Variants in TRDN observed in about 807,000 individuals in gnomAD.
TRDN encodes the protein triadin, also known as triadin in skeletal muscle.
TRDN carries 161 observed loss-of-function variants against 149.7 expected under a neutral mutation model. The ratio of observed to expected loss-of-function variants is 1.08; its 90% CI spans 0.95 to 1.23. The LOEUF is 1.23. TRDN is among the 50% of genes most tolerant of loss of function. TRDN has a pLI of 0.00. For missense variants in TRDN, 896 were observed against 823.5 expected (o/e 1.09, Z -1.08); for synonymous variants, 294 against 250.5 (o/e 1.17, Z -1.64).
chr6:123,421,445 AATT>A lies in TRDN; in HGVS notation c.1051+16615_1051+16617del, dbSNP rs1347811654. On this transcript the variant is annotated intron_variant, in intron 12 of 40. Coordinates refer to ENST00000334268, the MANE Select transcript of TRDN (RefSeq NM_006073.4). ...ATTATCCAGTTGTGCCCACAAACTT[AATT>A]ATATCAGCTACCTGATAGGAATATC... 2.6e-5 allele frequency: 4 copies of A among 152,056 alleles called. 1 individual carries two copies. The highest frequency in any genetic ancestry group is 2.6e-4 in the Admixed American group (4 of 15,256). 9.4% of individuals were successfully genotyped at this position (152,056 alleles called of 1,614,324 possible).
intron 10 of TRDN, among the ~76,000 whole-genome samples, chr6:123,464,014 C>T (rs1459568830): frequency 6.6e-6 from 1 of 152,150 alleles, no homozygotes; most frequent in Non-Finnish European, 1.5e-5. Context: ...CTAGGTGTTT[C>T]TACCCCTTTC....
intron 10 of TRDN, among the ~76,000 whole-genome samples, chr6:123,453,048 C>T (rs953924883): frequency 1.1e-4 from 17 of 152,052 alleles, no homozygotes; most frequent in African/African-American, 4.1e-4. Flanking sequence ...TGGCTAGCCA[C>T]ATGTAGGAGA....
At chr6:123,630,427 T>C (rs1400436093) in intron 1 of TRDN, among the ~76,000 whole-genome samples, 1 of 152,048 alleles carries the variant, frequency 6.6e-6, no homozygotes, top group Non-Finnish European at 1.5e-5. Context: ...GTTTCTCTCA[T>C]ATTAAATATT....
In TRDN at chr6:123,625,490, TGGGTACA is replaced by T. The variant is rs1161234195; in HGVS notation, c.22+11257_22+11263del. 2.6e-5 allele frequency among the ~76,000 whole-genome samples: 4 copies of T among 152,212 alleles called. No homozygotes were observed. The South Asian group carries it at 6.2e-4, about 24-fold the overall frequency. On this transcript the variant is annotated intron_variant, in intron 1 of 40. Coordinates refer to ENST00000334268, the MANE Select transcript of TRDN (RefSeq NM_006073.4). The stretch of plus-strand genomic sequence containing the variant: ...ATACTTTGTTGGTGGGGATGGTTAA[TGGGTACA>T]GAAATATAGTTAGAAAGAATAATAT...
At position 123,382,547 on chromosome 6, in the gene TRDN, T is replaced by A. The variant is rs528532413; in HGVS notation, c.1136-400A>T. On this transcript the variant is annotated intron_variant, in intron 14 of 40. Transcript: ENST00000334268. ...TGCTTAGGAGTTCATGAAGTTAACTTGAAACTTTCATTTGTTCAATCTAAG... is the reference window on the plus strand; with the variant it reads ...TGCTTAGGAGTTCATGAAGTTAACTAGAAACTTTCATTTGTTCAATCTAAG... Among the ~76,000 whole-genome samples the A allele has an allele frequency of 9.2e-5, 14 of 152,040 alleles. No individual in the cohort carries two copies. In the South Asian group the frequency reaches 2.7e-3, roughly 29 times the overall value.
chr6:123,540,842 A>G (rs1319995890), intron 4 of TRDN, among the ~76,000 whole-genome samples: 1 of 152,220 alleles, frequency 6.6e-6, no homozygotes, highest in Non-Finnish European at 1.5e-5. Flanking sequence ...TCTCATGAGC[A>G]AAAGAGTTCT....
At chr6:123,631,290 T>C (rs11961526) in intron 1 of TRDN, among the ~76,000 whole-genome samples, 4,316 of 152,114 alleles carry the variant, frequency 0.028, 96 homozygotes, top group Middle Eastern at 0.048. Context: ...ATAAATGCAA[T>C]GTTCCAAGCC....
intron 10 of TRDN, among the ~76,000 whole-genome samples, chr6:123,454,148 G>A (rs916818018): frequency 2.0e-5 from 3 of 151,896 alleles, no homozygotes; most frequent in African/African-American, 7.3e-5. Flanking sequence ...GGAGGGGGAC[G>A]AGGGACAAAA....
At chr6:123,442,577 T>C (rs1227279533) in intron 10 of TRDN, among the ~76,000 whole-genome samples, 2 of 130,502 alleles carry the variant, frequency 1.5e-5, no homozygotes, top group Admixed American at 7.7e-5. Flanking sequence ...AAAAAAAAAG[T>C]CTACCTTGCT....
At chr6:123,553,522 C>T (rs549545347) in intron 2 of TRDN, among the ~76,000 whole-genome samples, 66 of 152,148 alleles carry the variant, frequency 4.3e-4, no homozygotes, top group Middle Eastern at 6.8e-3. Flanking sequence ...GCACAGTGTA[C>T]GTAAACTTTT....
At chr6:123,337,813 T>C in intron 21 of TRDN, 144 bp from the exon 22 acceptor site, 1 of 502,736 alleles carries the variant, frequency 2.0e-6, no homozygotes, top group South Asian at 2.5e-5. Flanking sequence ...TCCAGGCATA[T>C]GTTGTCTATA....
At chr6:123,635,015 T>C (rs1274594958) in intron 1 of TRDN, among the ~76,000 whole-genome samples, 1 of 151,918 alleles carries the variant, frequency 6.6e-6, no homozygotes, top group East Asian at 1.9e-4. Context: ...TTGAATCAAA[T>C]GCAAGTTCTA....
chr6:123,254,921 G>A (rs772178109), intron 37 of TRDN, 160 bp downstream of exon 37: 1 of 574,680 alleles, frequency 1.7e-6, no homozygotes, highest in Admixed American at 2.3e-5. Flanking sequence ...TGAAATATAA[G>A]CTTTCTGCTA....
At chr6:123,575,687 G>A (rs774028250) in intron 1 of TRDN, among the ~76,000 whole-genome samples, 1 of 151,972 alleles carries the variant, frequency 6.6e-6, no homozygotes, top group African/African-American at 2.4e-5. Context: ...ATGGCCATGC[G>A]ACTCTTTCCT....
At chr6:123,350,083 AC>A in intron 21 of TRDN, 1 of 978,822 alleles carries the variant, frequency 1.0e-6, no homozygotes, top group Non-Finnish European at 1.2e-6. Context: ...TTTATGATCA[AC>A]AGGCTCCAAC....
chr6:123,291,896 C>G (rs1405652944), intron 24 of TRDN, among the ~76,000 whole-genome samples: 1 of 152,150 alleles, frequency 6.6e-6, no homozygotes, highest in African/African-American at 2.4e-5. Context: ...TTTTTCTCCT[C>G]TGTTTATGAC....
chr6:123,350,890 A>G, intron 21 of TRDN: 1 of 983,886 alleles, frequency 1.0e-6, no homozygotes, highest in Non-Finnish European at 1.2e-6. Context: ...AATCATCTGA[A>G]GGAGTAAGAT....
chr6:123,318,240 T>C (rs1015425852), intron 23 of TRDN, among the ~76,000 whole-genome samples: 2 of 152,004 alleles, frequency 1.3e-5, no homozygotes, highest in Non-Finnish European at 2.9e-5. Context: ...AGGTCAACAG[T>C]ACAGTTTAAA....
In TRDN at chr6:123,218,704, C is replaced by T. The variant is rs770748006; in HGVS notation, c.2087G>A (p.Gly696Glu). 1 of 1,591,544 alleles carries T rather than the reference C, an allele frequency of 6.3e-7. No individual in the cohort carries two copies. The highest frequency in any genetic ancestry group is 1.3e-5 in the African/African-American group (1 of 74,522). The change falls in exon 41 of 41, where the codon GGG becomes GAG. Residue 696 changes from glycine (G) to glutamate (E), a missense_variant. Physicochemically the swap from Gly to Glu is moderately conservative, Grantham distance 98 (BLOSUM62 -2). Transcript: ENST00000334268. The stretch of plus-strand genomic sequence containing the variant: ...AAACTGAAATCCATAGCCATTGTAC[C>T]CATCCAAGTAGACACACTGGAAGAA... ...ISFFQCVYLD[G>E]YNGYGFQFPF... is the part of the protein sequence containing the mutation.
Sources: gnomAD v4.1 joint callset for allele counts (sites outside exome capture counted in the v4.1 genomes callset) on GRCh38, gnomAD v4.1.1 for gene constraint, MANE v1.5 for transcripts, NCBI Gene and HGNC (gene_info 2026-07-23, HGNC 2026-07-21) for gene names.